Variants in CUL2 observed in about 807,000 individuals in gnomAD.
CUL2 encodes cullin 2.
Under a neutral mutation model 110.2 loss-of-function variants are expected in CUL2, and 22 were observed. The ratio of observed to expected loss-of-function variants is 0.20; its 90% CI spans 0.14 to 0.28. The LOEUF is 0.28. Ranked by LOEUF, CUL2 falls within the 10% of genes least tolerant of loss-of-function variation. The pLI is 1.00. For synonymous variants in CUL2, 279 were observed against 293.2 expected (o/e 0.95, Z 0.49); for missense variants, 631 against 905.5 (o/e 0.70, Z 3.89).
chr10:35,023,129 G>A (rs952987384), intron 17 of CUL2, among the ~76,000 whole-genome samples: 3 of 152,176 alleles, frequency 2.0e-5, no homozygotes, highest in Non-Finnish European at 4.4e-5. Flanking sequence ...AAAGATAAGT[G>A]AGAAGCTACT....
chr10:35,070,010 T>C (rs1015042778), intron 2 of CUL2, among the ~76,000 whole-genome samples: 1 of 152,198 alleles, frequency 6.6e-6, no homozygotes, highest in African/African-American at 2.4e-5. Flanking sequence ...CTGGAAAGCA[T>C]AGGAAATTGG....
chr10:35,046,618 G>A (rs545509406), intron 6 of CUL2, among the ~76,000 whole-genome samples: 23 of 152,284 alleles, frequency 1.5e-4, no homozygotes, highest in Admixed American at 7.2e-4. Context: ...TTGGCCAGGC[G>A]CAGTGGCTCA....
At position 35,097,276 on chromosome 10, in the gene CUL2, G is replaced by T. The variant is rs140102596; in HGVS notation, c.167+3568C>A. Among the ~76,000 whole-genome samples, 71 of 152,162 alleles carry T rather than the reference G, an allele frequency of 4.7e-4. No homozygotes were observed. The East Asian group carries it at 9.5e-3, about 20-fold the overall frequency. On this transcript the variant is annotated intron_variant, in intron 2 of 5. Transcript: ENST00000685421. ...CCTGCGAACCTCTTTGGAAAAAGCA[G>T]CCAGATGCATCTGTGCCTTGGATTT...
At chr10:35,080,742 AC>A (rs1187831237) in intron 1 of CUL2, among the ~76,000 whole-genome samples, 2 of 152,124 alleles carry the variant, frequency 1.3e-5, no homozygotes, top group Non-Finnish European at 2.9e-5. Context: ...GGCGTGTGCC[AC>A]CGCACCCAGC....
Position 35,009,185 on chromosome 10 carries a change from T to TAG in CUL2, c.*1125_*1126insCT, listed in dbSNP as rs1564688877. ...AGTACTCTTAACACTGCTGTTGAGA[T>TAG]ATATATATATATATATTATATATAT... is the stretch of plus-strand genomic sequence containing the variant. On this transcript the variant is annotated 3_prime_UTR_variant, in exon 21 of 21. Transcript: ENST00000374749. 1.0e-5 allele frequency: 1 copy of TAG among 99,942 alleles called. No homozygotes were observed. The allele number at this position is 99,942 out of a possible 1,614,324, so 6.2% of individuals were successfully genotyped here.
intron 1 of CUL2, among the ~76,000 whole-genome samples, chr10:35,075,975 T>C (rs572121535): frequency 6.6e-6 from 1 of 152,288 alleles, no homozygotes; most frequent in African/African-American, 2.4e-5. Flanking sequence ...TAAAAACTGG[T>C]ACACAAATGT....
rs770110262 is a variant in CUL2 at position 35,016,168 on chromosome 10, A to G, written c.1887+24T>C. ...AAGCTTTAATGCTGATGATGCTTAA[A>G]TTCTTTGGAATATTACTACATACCT... On this transcript the variant is annotated intron_variant, in intron 18 of 20. Transcript: ENST00000374749. 5 of 1,584,722 alleles carry G rather than the reference A, an allele frequency of 3.2e-6. No homozygotes were observed. In the East Asian group the frequency reaches 1.1e-4, roughly 35 times the overall value.
rs775116780 is a variant in CUL2, at chr10:35,044,783, A to AT, written c.591dup (p.Phe198IlefsTer11). The AT allele has an allele frequency of 6.2e-7, 1 of 1,610,752 alleles. No homozygotes were observed. Among genetic ancestry groups the AT allele is most frequent in the Admixed American group, 1.7e-5 (1 of 59,612 alleles). On this transcript the variant is annotated frameshift_variant, in exon 7 of 21. Transcript: ENST00000374749. LOFTEE classifies it high-confidence loss of function. ...AGGAGGCTGTTTACCTTTAAGGGGA[A>AT]TTTTTTCTTATACTGTTCAACATGA...
At chr10:35,032,653 T>G (rs2085507363) in intron 11 of CUL2, among the ~76,000 whole-genome samples, 159 bp from the exon 12 acceptor site, 2 of 152,196 alleles carry the variant, frequency 1.3e-5, no homozygotes, top group South Asian at 4.1e-4. Flanking sequence ...CATGGTAGAC[T>G]CCTCTGACTT....
intron 3 of CUL2, among the ~76,000 whole-genome samples, chr10:35,061,315 TA>T (rs927809615): frequency 6.6e-6 from 1 of 150,378 alleles, no homozygotes. Flanking sequence ...CTCTACTAAA[TA>T]AAAAAAAATT....
At chr10:35,110,697 T>C (rs984050935) in intron 1 of CUL2, among the ~76,000 whole-genome samples, 2 of 152,304 alleles carry the variant, frequency 1.3e-5, no homozygotes, top group Admixed American at 1.3e-4. Flanking sequence ...CCTCTCTCCT[T>C]GGCTTGCAGA....
At chr10:35,125,606 T>C (rs1031169254) in intron 1 of CUL2, among the ~76,000 whole-genome samples, 5 of 152,254 alleles carry the variant, frequency 3.3e-5, no homozygotes, top group African/African-American at 1.2e-4. Context: ...CTTAACATTG[T>C]CAATAGCTTC....
At position 35,047,382 on chromosome 10, in the gene CUL2, G is replaced by A. The variant is rs374960418; in HGVS notation, c.506+2301C>T. Reference sequence around the variant, plus strand: ...TCCCAGCACTTTGGAAGGCCGAGGCGGGTGGATCACGAGGTCAGGAGATAG... The same window carrying A: ...TCCCAGCACTTTGGAAGGCCGAGGCAGGTGGATCACGAGGTCAGGAGATAG... On this transcript the variant is annotated intron_variant, in intron 6 of 20. Transcript: ENST00000374749. Among the ~76,000 whole-genome samples, 69 of 151,538 alleles carry A rather than the reference G, an allele frequency of 4.6e-4. No homozygotes were observed. The East Asian group carries it at 0.011, about 24-fold the overall frequency.
chr10:35,122,933 T>C (rs1025571297), intron 1 of CUL2, among the ~76,000 whole-genome samples: 1 of 152,208 alleles, frequency 6.6e-6, no homozygotes, highest in Non-Finnish European at 1.5e-5. Context: ...TGGGCCACTG[T>C]GCCTGGCCAA....
intron 10 of CUL2, among the ~76,000 whole-genome samples, chr10:35,033,611 C>A (rs1241530945): frequency 6.6e-6 from 1 of 152,058 alleles, no homozygotes; most frequent in East Asian, 1.9e-4. Flanking sequence ...GTGGCGTCCA[C>A]CTGTAATCCC....
At chr10:35,120,844 C>A (rs2087669234) in intron 1 of CUL2, among the ~76,000 whole-genome samples, 1 of 151,772 alleles carries the variant, frequency 6.6e-6, no homozygotes, top group Non-Finnish European at 1.5e-5. Flanking sequence ...TGCAGCGAGC[C>A]AAGATCATGC....
rs201354494 is a variant in CUL2 at position 35,080,222 on chromosome 10, T to C, written c.-22-8883A>G. On this transcript the variant is annotated intron_variant, in intron 1 of 20. Transcript: ENST00000374749. ...ACAATGACCAAATATGTTGCCATCA[T>C]TTAATATTAAAATAAGCTCCAAGAA... Among the ~76,000 whole-genome samples, 27 of 152,254 alleles carry C rather than the reference T, an allele frequency of 1.8e-4. No homozygotes were observed. In the East Asian group the frequency reaches 5.2e-3, roughly 29 times the overall value.
chr10:35,105,748 A>G (rs1220849489), intron 1 of CUL2, among the ~76,000 whole-genome samples: 3 of 151,960 alleles, frequency 2.0e-5, no homozygotes, highest in African/African-American at 7.2e-5. Flanking sequence ...ATTACATACA[A>G]TAAAGGGAAT....
At chr10:35,117,301 G>C (rs1210585749) in intron 1 of CUL2, among the ~76,000 whole-genome samples, 2 of 152,192 alleles carry the variant, frequency 1.3e-5, no homozygotes, top group African/African-American at 4.8e-5. Flanking sequence ...GCAGTGGTAT[G>C]ATCTTGGCTC....
Sources: allele counts gnomAD v4.1 joint callset (sites outside exome capture counted in the v4.1 genomes callset), GRCh38; gene constraint gnomAD v4.1.1; transcripts MANE v1.5; gene names NCBI Gene and HGNC (gene_info 2026-07-23, HGNC 2026-07-21).